The following PARP10 variants were observed in gnomAD, a reference collection of about 807,000 sequenced individuals.
The protein encoded by PARP10 is protein mono-ADP-ribosyltransferase PARP10.
In PARP10, 56 loss-of-function variants were observed where a neutral mutation model predicts 82.4. The observed-to-expected ratio is 0.68, with a 90% CI of 0.55 to 0.85. PARP10 has a LOEUF of 0.85. Ranked by LOEUF, PARP10 falls within the 40% of genes least tolerant of loss-of-function variation. The probability of loss-of-function intolerance (pLI) is 0.00; values close to 1 mark genes in which losing one functional copy is unlikely to be tolerated. For synonymous variants in PARP10, 576 were observed against 601.1 expected (o/e 0.96, Z 0.61); for missense variants, 1,227 against 1,379.4 (o/e 0.89, Z 1.75).
intron 1 of PARP10, among the ~76,000 whole-genome samples, chr8:143,999,271 G>A (rs1420389467): frequency 2.0e-5 from 3 of 151,712 alleles, no homozygotes; most frequent in African/African-American, 4.8e-5. Flanking sequence ...GCACAATCTC[G>A]GCTCACTGCA....
intron 1 of PARP10, among the ~76,000 whole-genome samples, chr8:144,002,265 T>C (rs984493557): frequency 6.6e-6 from 1 of 152,050 alleles, no homozygotes; most frequent in Non-Finnish European, 1.5e-5. Flanking sequence ...AAAATCACAA[T>C]AGGCCAGGCA....
rs782417632 is a variant in PARP10, at chr8:143,984,352, A to G, written c.1538T>C (p.Leu513Ser). 1.2e-6 allele frequency: 2 copies of G among 1,613,584 alleles called. No individual in the cohort carries two copies. Among genetic ancestry groups the G allele is most frequent in the Non-Finnish European group, 1.7e-6 (2 of 1,179,962 alleles). The change falls in exon 6 of 11, where the codon TTG (leucine) becomes TCG (serine). Residue 513 changes from leucine to serine, a missense_variant. Transcript: ENST00000313028. Reference sequence around the variant, plus strand: ...GGCGCTGCCCGGGTGCTCCAGGCACAACACATGGCAGCTAATGCTGCCCAG... The same window carrying G: ...GGCGCTGCCCGGGTGCTCCAGGCACGACACATGGCAGCTAATGCTGCCCAG... Reference protein sequence around the residue: ...SLLGSISCHVLCLEHPGSARF... With the variant: ...SLLGSISCHVSCLEHPGSARF...
chr8:143,980,554 T>C (rs1443323910), intron 9 of PARP10, among the ~76,000 whole-genome samples: 2 of 150,050 alleles, frequency 1.3e-5, no homozygotes, highest in African/African-American at 4.9e-5. Flanking sequence ...TATATATTAA[T>C]ATATAAATGT....
chr8:144,008,083 C>T lies in PARP10; in HGVS notation c.-80+4447G>A, dbSNP rs1268637350. ...GAGCACAGACTAGACAACTACCTCC[C>T]GGCAGCTCCTCGTCAGCAACAGGCA... is the stretch of plus-strand genomic sequence containing the variant. On this transcript the variant is annotated intron_variant, in intron 1 of 3. Coordinates refer to the PARP10 transcript ENST00000530478. This position sits in a 1 kb window ranked among gnomAD's most constrained non-coding sequence, Gnocchi z 4.0. 2.0e-5 allele frequency among the ~76,000 whole-genome samples: 3 copies of T among 152,294 alleles called. No homozygotes were observed. In the East Asian group the frequency reaches 5.8e-4, roughly 29 times the overall value.
chr8:143,984,561 C>G lies in PARP10; in HGVS notation c.1441G>C (p.Asp481His). Residue 481 changes from aspartate (D) to histidine (H), a missense_variant, in exon 5 of 11, where the codon GAT becomes CAT. Physicochemically the swap from Asp to His is moderately conservative, Grantham distance 81. Coordinates refer to ENST00000313028, the MANE Select transcript of PARP10 (RefSeq NM_032789.5). The stretch of plus-strand genomic sequence containing the variant: ...TCACTCACCCGAAAGCCAGTCATAT[C>G]CGGTCCTTCAAGTGGCAAGAGAGCG... Reference protein sequence around the residue: ...DVALLPLEGPDMTGFRLCGAQ... With the variant: ...DVALLPLEGPHMTGFRLCGAQ... 5.0e-6 allele frequency: 8 copies of G among 1,611,916 alleles called. No individual in the cohort carries two copies. The highest frequency in any genetic ancestry group is 5.9e-6 in the Non-Finnish European group (7 of 1,179,012).
At chr8:143,998,311 G>C (rs1222708957) in intron 1 of PARP10, among the ~76,000 whole-genome samples, 2 of 152,152 alleles carry the variant, frequency 1.3e-5, no homozygotes, top group African/African-American at 4.8e-5. Flanking sequence ...GCTTGGACCA[G>C]GGGCAGATGT....
At position 144,011,284 on chromosome 8, in the gene PARP10, A is replaced by C. The variant is rs974422147; in HGVS notation, c.-80+1246T>G. ...TAGAGGGGTGACTGAAGAGACCTCAACTCTGGTTCTTGGGGGCTCTGGTCC... is the reference window on the plus strand; with the variant it reads ...TAGAGGGGTGACTGAAGAGACCTCACCTCTGGTTCTTGGGGGCTCTGGTCC... On this transcript the variant is annotated intron_variant, in intron 1 of 3. Coordinates refer to the PARP10 transcript ENST00000530478. This position sits in a 1 kb window ranked among gnomAD's most constrained non-coding sequence, Gnocchi z 4.5. Among the ~76,000 whole-genome samples the C allele has an allele frequency of 2.2e-4, 34 of 151,638 alleles. No individual in the cohort carries two copies. Among genetic ancestry groups the C allele is most frequent in the African/African-American group, 8.0e-4 (33 of 41,256 alleles).
At chr8:143,989,399 G>T (rs1834051693), upstream of PARP10, 1 of 152,256 alleles carries the variant, frequency 6.6e-6, no homozygotes, top group Admixed American at 6.5e-5. The surrounding 1 kb of genome is among the most constrained non-coding windows in gnomAD (Gnocchi z 4.3). Flanking sequence ...GTATTTGTTA[G>T]TACAAAGGGT....
At chr8:143,986,496 G>A, upstream of PARP10, 1 of 1,412,230 alleles carries the variant, frequency 7.1e-7, no homozygotes, top group East Asian at 2.3e-5. Flanking sequence ...GGAGCAGCTG[G>A]GCCCTGGGCG....
At chr8:143,982,423 G>A (rs1481114999) in intron 9 of PARP10, among the ~76,000 whole-genome samples, 5 of 152,184 alleles carry the variant, frequency 3.3e-5, no homozygotes, top group Non-Finnish European at 7.4e-5. Context: ...GCCGTGAGCC[G>A]AGATCGTGCC....
At chr8:143,998,156 A>G (rs1049440328) in intron 1 of PARP10, among the ~76,000 whole-genome samples, 7 of 152,162 alleles carry the variant, frequency 4.6e-5, no homozygotes, top group Non-Finnish European at 8.8e-5. Flanking sequence ...AAATAAATGT[A>G]AAGAGAGACC....
At chr8:143,992,355 C>T (rs149702314), upstream of PARP10, 17 of 1,597,592 alleles carry the variant, frequency 1.1e-5, no homozygotes, top group Non-Finnish European at 1.4e-5. Flanking sequence ...GCTTCACCGT[C>T]GTCATCTTCT....
At chr8:143,992,723 G>A, upstream of PARP10, 1 of 1,613,864 alleles carries the variant, frequency 6.2e-7, no homozygotes, top group African/African-American at 1.3e-5. Flanking sequence ...CTGCTACTGG[G>A]GAACAAGCAG....
At chr8:143,993,952 G>C (rs782040137), upstream of PARP10, among the ~76,000 whole-genome samples, 1 of 152,196 alleles carries the variant, frequency 6.6e-6, no homozygotes, top group Non-Finnish European at 1.5e-5. Flanking sequence ...GCCCAGGCCC[G>C]GTCCTTTGGA....
Position 143,986,248 on chromosome 8 carries a change from C to G in PARP10, c.3-15G>C, listed in dbSNP as rs782080406. 2 of 1,613,772 alleles carry G rather than the reference C, an allele frequency of 1.2e-6. No individual in the cohort carries two copies. Among genetic ancestry groups the G allele is most frequent in the East Asian group, 4.5e-5 (2 of 44,890 alleles). On this transcript the variant is annotated splice_polypyrimidine_tract_variant and intron_variant, in intron 1 of 10. Coordinates refer to ENST00000313028, the MANE Select transcript of PARP10 (RefSeq NM_032789.5). ...CCATTGCAACCCTGGGACGGGGCAT[C>G]AGGTGGGTAGGGAAACAGCCCATTC...
upstream of PARP10, chr8:143,993,533 C>G (rs1347482388): frequency 6.5e-6 from 1 of 153,546 alleles, no homozygotes; most frequent in Non-Finnish European, 1.4e-5. Context: ...AATACAGTGC[C>G]AAGCCTCTGC....
chr8:144,005,036 A>C (rs1834225226), intron 1 of PARP10, among the ~76,000 whole-genome samples: 1 of 151,972 alleles, frequency 6.6e-6, no homozygotes, highest in Non-Finnish European at 1.5e-5. Context: ...AACATTAGCC[A>C]GGCGTGGTGG....
Position 143,986,385 on chromosome 8 carries a change from G to A in PARP10, c.-26C>T, listed in dbSNP as rs1490151044. The A allele has an allele frequency of 1.9e-6, 3 of 1,614,048 alleles. No homozygotes were observed. Among genetic ancestry groups the A allele is most frequent in the Admixed American group, 1.7e-5 (1 of 60,002 alleles). On this transcript the variant is annotated 5_prime_UTR_variant, in exon 1 of 11. Transcript: ENST00000313028. The stretch of plus-strand genomic sequence containing the variant: ...TCCCCGTGGCCGCTAGGCAGCCTCA[G>A]GCCATGAGCTCAGCCAGGACTCCTG...
rs1315581602 is a variant in PARP10, at chr8:144,008,412, G to C, written c.-80+4118C>G. Among the ~76,000 whole-genome samples the C allele has an allele frequency of 6.6e-6, 1 of 152,226 alleles. No individual in the cohort carries two copies. Among genetic ancestry groups the C allele is most frequent in the African/African-American group, 2.4e-5 (1 of 41,456 alleles). ...AGGCCTTGCCAAGCTGAAATGCTGAGCGGAATCAAATGAGGCAAATTTGAA... is the reference window on the plus strand; with the variant it reads ...AGGCCTTGCCAAGCTGAAATGCTGACCGGAATCAAATGAGGCAAATTTGAA... On this transcript the variant is annotated intron_variant, in intron 1 of 3. Transcript: ENST00000530478. This position sits in a 1 kb window ranked among gnomAD's most constrained non-coding sequence, Gnocchi z 4.0.
Sources: allele counts gnomAD v4.1 joint callset (sites outside exome capture counted in the v4.1 genomes callset), GRCh38; gene constraint gnomAD v4.1.1; non-coding constraint Gnocchi (gnomAD v3.1); transcripts MANE v1.5; gene names NCBI Gene and HGNC (gene_info 2026-07-23, HGNC 2026-07-21).